NTNG1: variants seen among roughly 807,000 people sequenced by gnomAD.
NTNG1 encodes the protein netrin G1, also known as netrin-G1.
Under a neutral mutation model 54.0 loss-of-function variants are expected in NTNG1, and 16 were observed. That is an observed-to-expected ratio of 0.30 (90% CI 0.20 to 0.45). The LOEUF (loss-of-function observed/expected upper bound fraction) is 0.45, where lower values mean the gene tolerates loss of function less well. NTNG1 is among the 20% of genes least tolerant of loss of function. The pLI is 1.00. For missense variants in NTNG1, 530 were observed against 678.7 expected, an observed-to-expected ratio of 0.78 and a Z score of 2.43; for synonymous variants, 255 against 263.1, an observed-to-expected ratio of 0.97 and a Z score of 0.30.
intron 3 of NTNG1, among the ~76,000 whole-genome samples, chr1:107,326,162 G>A (rs1008577146): frequency 3.3e-5 from 5 of 152,126 alleles, no homozygotes; most frequent in Admixed American, 6.6e-5. Context: ...AGTCTTAGCT[G>A]TGGAAAAGCA....
At chr1:107,168,534 A>T (rs143896392) in intron 2 of NTNG1, among the ~76,000 whole-genome samples, 1,544 of 152,212 alleles carry the variant, frequency 0.01, 13 homozygotes, top group Non-Finnish European at 0.014. Context: ...TGCTCCCTTG[A>T]GGAAAATAGA....
intron 5 of NTNG1, among the ~76,000 whole-genome samples, chr1:107,413,596 C>T (rs1239364301): frequency 6.6e-6 from 1 of 152,122 alleles, no homozygotes; most frequent in African/African-American, 2.4e-5. Flanking sequence ...AAGTAAGGTT[C>T]ACTAACATCC....
intron 2 of NTNG1, among the ~76,000 whole-genome samples, chr1:107,319,274 C>T (rs553190612): frequency 3.3e-5 from 5 of 152,152 alleles, no homozygotes; most frequent in East Asian, 1.9e-4. Flanking sequence ...GAGGAGTGGC[C>T]GGGAAGTGGC....
chr1:107,344,939 C>T (rs999610558), intron 3 of NTNG1, among the ~76,000 whole-genome samples: 10 of 152,126 alleles, frequency 6.6e-5, no homozygotes, highest in African/African-American at 2.2e-4. Context: ...GTGAATAAAA[C>T]ATCTAGTTTT....
Position 107,142,768 on chromosome 1 carries a change from ATT to A in NTNG1, c.-526+1640_-526+1641del, listed in dbSNP as rs61137540. On this transcript the variant is annotated intron_variant, in intron 1 of 7. Coordinates refer to ENST00000370068, the MANE Select transcript of NTNG1 (RefSeq NM_001113226.3). ...TTGTTGGAAAGTTTTCCAAAAAATA[ATT>A]TTTTTTTTTTTCAGGGGAGGCTTTT... 3.0e-3 allele frequency among the ~76,000 whole-genome samples: 409 copies of A among 138,526 alleles called. 4 individuals are homozygous for A. Among genetic ancestry groups the A allele is most frequent in the African/African-American group, 0.01 (340 of 32,488 alleles). The allele number at this position is 138,526 out of a possible 152,430, so 90.9% of individuals were successfully genotyped here.
intron 2 of NTNG1, among the ~76,000 whole-genome samples, chr1:107,205,195 TC>T (rs993734399): frequency 5.3e-5 from 8 of 152,160 alleles, no homozygotes; most frequent in African/African-American, 1.7e-4. Context: ...AATTCAATAA[TC>T]CATTTTAAAT....
intron 2 of NTNG1, among the ~76,000 whole-genome samples, chr1:107,236,676 A>G (rs989371026): frequency 6.6e-6 from 1 of 152,310 alleles, no homozygotes; most frequent in East Asian, 1.9e-4. Flanking sequence ...TCATGTGGGC[A>G]GGTCTTTCCT....
At chr1:107,463,569 G>A (rs979665221) in intron 7 of NTNG1, among the ~76,000 whole-genome samples, 1 of 150,208 alleles carries the variant, frequency 6.7e-6, no homozygotes, top group Non-Finnish European at 1.5e-5. Flanking sequence ...GAAAAATAAA[G>A]CAATAAATTT....
intron 2 of NTNG1, among the ~76,000 whole-genome samples, chr1:107,164,272 A>G (rs1168015011): frequency 1.3e-5 from 2 of 152,254 alleles, no homozygotes; most frequent in Non-Finnish European, 2.9e-5. Flanking sequence ...CCTGGCCAAC[A>G]GTGCCTGCTG....
intron 2 of NTNG1, among the ~76,000 whole-genome samples, chr1:107,184,523 G>A (rs985681258): frequency 2.0e-5 from 3 of 152,002 alleles, no homozygotes; most frequent in Non-Finnish European, 4.4e-5. Context: ...TCATTTTATG[G>A]TGTATCTCTC....
At chr1:107,431,504 T>C (rs144061238) in intron 6 of NTNG1, among the ~76,000 whole-genome samples, 35 of 152,240 alleles carry the variant, frequency 2.3e-4, no homozygotes, top group Non-Finnish European at 4.4e-4. Context: ...GAGTAATTTC[T>C]CAAAAGTATT....
At chr1:107,380,691 G>C (rs886440054) in intron 3 of NTNG1, among the ~76,000 whole-genome samples, 1 of 152,104 alleles carries the variant, frequency 6.6e-6, no homozygotes, top group African/African-American at 2.4e-5. Flanking sequence ...TTTCCAGCAA[G>C]TGTTTATTAA....
chr1:107,299,855 C>CA (rs139060089), intron 2 of NTNG1, among the ~76,000 whole-genome samples: 3,741 of 152,244 alleles, frequency 0.025, 146 homozygotes, highest in Admixed American at 0.11. Context: ...TGTATACACA[C>CA]ATACACACAC....
chr1:107,353,096 A>T (rs887790173), intron 3 of NTNG1, among the ~76,000 whole-genome samples: 2 of 152,250 alleles, frequency 1.3e-5, no homozygotes, highest in African/African-American at 4.8e-5. Context: ...TAACATTTGC[A>T]TAAGTAAATT....
At chr1:107,321,427 A>G (rs1667656030) in intron 2 of NTNG1, among the ~76,000 whole-genome samples, 2 of 152,130 alleles carry the variant, frequency 1.3e-5, no homozygotes, top group African/African-American at 4.8e-5. Flanking sequence ...ACTCAGCCTC[A>G]ATGGAAGGGT....
chr1:107,454,635 CA>C (rs1271791059), intron 7 of NTNG1, among the ~76,000 whole-genome samples: 1 of 152,048 alleles, frequency 6.6e-6, no homozygotes, highest in Non-Finnish European at 1.5e-5. Context: ...AAGCAGACCC[CA>C]TGTCACTTCA....
chr1:107,178,804 G>A (rs1199492125), intron 2 of NTNG1, among the ~76,000 whole-genome samples: 2 of 152,104 alleles, frequency 1.3e-5, no homozygotes, highest in African/African-American at 4.8e-5. Context: ...GTTAAGCCAT[G>A]GCGACACACA....
At chr1:107,239,891 A>G (rs1459261979) in intron 2 of NTNG1, among the ~76,000 whole-genome samples, 1 of 152,228 alleles carries the variant, frequency 6.6e-6, no homozygotes, top group African/African-American at 2.4e-5. Flanking sequence ...TGTTCTGTTC[A>G]ACAACAAGGT....
chr1:107,292,485 C>T (rs540319581), intron 2 of NTNG1, among the ~76,000 whole-genome samples: 3 of 152,060 alleles, frequency 2.0e-5, no homozygotes, highest in African/African-American at 4.8e-5. Flanking sequence ...AGTTGTTAAG[C>T]GGTCTCTCTG....
Sources: allele counts gnomAD v4.1 joint callset (sites outside exome capture counted in the v4.1 genomes callset), GRCh38; gene constraint gnomAD v4.1.1; transcripts MANE v1.5; gene names NCBI Gene and HGNC (gene_info 2026-07-23, HGNC 2026-07-21).